The following WDR47 variants were observed in gnomAD, a reference collection of about 807,000 sequenced individuals.
WDR47 encodes the protein WD repeat domain 47, also known as WD repeat-containing protein 47.
Under a neutral mutation model 97.2 loss-of-function variants are expected in WDR47, and 32 were observed. The observed-to-expected ratio is 0.33, with a 90% CI of 0.25 to 0.44. WDR47 has a LOEUF of 0.44. WDR47 is among the 20% of genes least tolerant of loss of function. WDR47 has a pLI of 1.00. For synonymous variants in WDR47, 375 were observed against 373.5 expected (o/e 1.00, Z -0.05); for missense variants, 782 against 1,102.3 (o/e 0.71, Z 4.11).
chr1:109,035,736 T>C (rs928640884), intron 1 of WDR47, among the ~76,000 whole-genome samples: 6 of 152,100 alleles, frequency 3.9e-5, no homozygotes, highest in Admixed American at 3.3e-4. Flanking sequence ...CCTCAGGTGA[T>C]CCACCCACCT....
chr1:108,998,804 GGAA>G (rs1659947127), intron 7 of WDR47, among the ~76,000 whole-genome samples: 1 of 152,048 alleles, frequency 6.6e-6, no homozygotes, highest in African/African-American at 2.4e-5. Flanking sequence ...AGAGTGATTT[GGAA>G]GAATAAAACA....
At chr1:109,028,629 C>G (rs1478060661) in intron 1 of WDR47, among the ~76,000 whole-genome samples, 1 of 151,168 alleles carries the variant, frequency 6.6e-6, no homozygotes, top group Non-Finnish European at 1.5e-5. Flanking sequence ...TTTTTTGTAT[C>G]TTTAGTAGAG....
At chr1:109,028,982 C>T (rs1342468830) in intron 1 of WDR47, among the ~76,000 whole-genome samples, 1 of 151,930 alleles carries the variant, frequency 6.6e-6, no homozygotes, top group African/African-American at 2.4e-5. Context: ...TACTTATATC[C>T]AATATCCAGA....
In WDR47 at chr1:109,013,882, A is replaced by G. The variant is rs1329410481; in HGVS notation, c.286T>C (p.Cys96Arg). ...TCTGCTGACATCGCGTTGTTAACAC[A>G]TAAAGCTTCTAAAAACTTCTGCTTC... ...ILKQKFLEAL[C>R]VNNAMSAEDE... Residue 96 changes from cysteine to arginine, a missense_variant, in exon 4 of 15, where the codon TGT (cysteine) becomes CGT (arginine). By Grantham distance (180) the Cys-to-Arg change is radical (BLOSUM62 -3). Transcript: ENST00000369962. 9 of 1,613,338 alleles carry G rather than the reference A, an allele frequency of 5.6e-6. No individual in the cohort carries two copies. In the East Asian group the frequency reaches 6.7e-5, roughly 12 times the overall value.
At chr1:109,013,529 G>A (rs973218095) in intron 4 of WDR47, among the ~76,000 whole-genome samples, 2 of 151,302 alleles carry the variant, frequency 1.3e-5, no homozygotes, top group African/African-American at 2.4e-5. Flanking sequence ...ACCCACTTCC[G>A]GGATTTAAAA....
At chr1:109,018,196 C>T (rs1007070290) in intron 2 of WDR47, among the ~76,000 whole-genome samples, 4 of 151,934 alleles carry the variant, frequency 2.6e-5, no homozygotes, top group Non-Finnish European at 5.9e-5. Context: ...CACCTGTAAT[C>T]CCAGCACTTT....
At chr1:109,029,526 G>A (rs1318021495) in intron 1 of WDR47, among the ~76,000 whole-genome samples, 1 of 151,876 alleles carries the variant, frequency 6.6e-6, no homozygotes, top group Non-Finnish European at 1.5e-5. Context: ...CGGGCGTGGT[G>A]GTGCATGCCT....
At chr1:109,020,799 TA>T (rs1661777933) in intron 2 of WDR47, among the ~76,000 whole-genome samples, 1 of 151,498 alleles carries the variant, frequency 6.6e-6, no homozygotes. Context: ...CAAGTTTAAA[TA>T]GAGTCCCCTA....
chr1:108,990,007 T>A (rs190736411), intron 9 of WDR47, among the ~76,000 whole-genome samples: 35 of 152,296 alleles, frequency 2.3e-4, no homozygotes, highest in Admixed American at 1.4e-3. Context: ...AAAATTTTTT[T>A]AAATTTGTTG....
At chr1:109,004,810 T>C in intron 5 of WDR47, 95 bp from the exon 6 acceptor site, 1 of 1,373,410 alleles carries the variant, frequency 7.3e-7, no homozygotes, top group Non-Finnish European at 9.5e-7. Flanking sequence ...TTATTATTAT[T>C]TTTGAGATGG....
chr1:108,982,483 G>T, intron 12 of WDR47, 126 bp downstream of exon 12: 1 of 1,140,196 alleles, frequency 8.8e-7, no homozygotes, highest in Non-Finnish European at 1.2e-6. Flanking sequence ...AGTGAGCTGT[G>T]ATTGTGCCAC....
chr1:108,980,337 TA>T (rs1352692676), intron 13 of WDR47, among the ~76,000 whole-genome samples: 1 of 150,762 alleles, frequency 6.6e-6, no homozygotes, highest in Non-Finnish European at 1.5e-5. Context: ...CTCAAAAGAA[TA>T]AACAAGGCAT....
At chr1:109,011,834 T>C in intron 4 of WDR47, 116 bp from the exon 5 acceptor site, 5 of 965,466 alleles carry the variant, frequency 5.2e-6, no homozygotes, top group Non-Finnish European at 7.5e-6. Context: ...ATATAATTTG[T>C]AGGATATGCA....
intron 5 of WDR47, among the ~76,000 whole-genome samples, chr1:109,010,182 T>C (rs1337388196): frequency 3.9e-5 from 6 of 152,218 alleles, no homozygotes; most frequent in Non-Finnish European, 8.8e-5. Flanking sequence ...TTTTCTCATA[T>C]AATTTTAATT....
At chr1:109,033,344 A>G (rs999072481) in intron 1 of WDR47, among the ~76,000 whole-genome samples, 1 of 152,146 alleles carries the variant, frequency 6.6e-6, no homozygotes, top group Non-Finnish European at 1.5e-5. Context: ...TATCTGGAGC[A>G]TATAAATAGC....
Position 108,986,558 on chromosome 1 carries a change from C to CA in WDR47, c.1889dup (p.Arg631GlufsTer10). 6.2e-7 allele frequency: 1 copy of CA among 1,613,732 alleles called. No individual in the cohort carries two copies. The highest frequency in any genetic ancestry group is 8.5e-7 in the Non-Finnish European group (1 of 1,179,792). On this transcript the variant is annotated frameshift_variant, in exon 10 of 15. Transcript: ENST00000369962. LOFTEE classifies it high-confidence loss of function. ...TTACATCTGGATAGGCACATACTCT[C>CA]AGAGTTTTTGAATTTGAACCAACAG...
intron 6 of WDR47, among the ~76,000 whole-genome samples, chr1:109,003,360 A>T (rs996977866): frequency 1.3e-5 from 2 of 152,068 alleles, no homozygotes; most frequent in Non-Finnish European, 1.5e-5. Flanking sequence ...TTTAATAGTA[A>T]TTTTTCTACT....
chr1:109,009,089 A>T (rs933935821), intron 5 of WDR47, among the ~76,000 whole-genome samples: 4 of 152,108 alleles, frequency 2.6e-5, no homozygotes, highest in Admixed American at 1.3e-4. Flanking sequence ...ATCTCAAAAA[A>T]AAAATAAAAA....
chr1:108,982,840 G>A, intron 11 of WDR47, 61 bp from the exon 12 acceptor site: 4 of 1,525,224 alleles, frequency 2.6e-6, no homozygotes, highest in Non-Finnish European at 3.5e-6. Context: ...GATAACTTGA[G>A]ATTGCTAAAC....
Sources: gnomAD v4.1 joint callset for allele counts (sites outside exome capture counted in the v4.1 genomes callset) on GRCh38, gnomAD v4.1.1 for gene constraint, MANE v1.5 for transcripts, NCBI Gene and HGNC (gene_info 2026-07-23, HGNC 2026-07-21) for gene names.